PLK4: variants seen among roughly 807,000 people sequenced by gnomAD.
The protein encoded by PLK4 is serine/threonine-protein kinase PLK4.
In PLK4, 51 loss-of-function variants were observed where a neutral mutation model predicts 103.0. The ratio of observed to expected loss-of-function variants is 0.50; its 90% CI spans 0.40 to 0.63. The LOEUF is 0.63. Ranked by LOEUF, PLK4 falls within the 20% of genes least tolerant of loss-of-function variation. The pLI is 0.00. For synonymous variants in PLK4, 389 were observed against 376.8 expected, an observed-to-expected ratio of 1.03 and a Z score of -0.38; for missense variants, 1,054 against 1,151.0, an observed-to-expected ratio of 0.92 and a Z score of 1.22.
chr4:127,886,096 T>C lies in PLK4; in HGVS notation c.726T>C (p.Ile242=). The C allele has an allele frequency of 1.2e-6, 2 of 1,614,232 alleles. No individual in the cohort carries two copies. Among genetic ancestry groups the C allele is most frequent in the Non-Finnish European group, 1.7e-6 (2 of 1,180,020 alleles). The stretch of plus-strand genomic sequence containing the variant: ...TGTCAATAGAGGCCAAGGACCTTAT[T>C]CACCAGTTACTTCGTAGAAATCCAG... The part of the protein sequence containing the change: ...SFLSIEAKDL[I]HQLLRRNPAD... The change falls in exon 5 of 16, where the codon ATT becomes ATC. Residue 242 remains isoleucine (I), a synonymous_variant. Transcript: ENST00000270861.
intron 11 of PLK4, 26 bp downstream of exon 11, chr4:127,893,444 A>T: frequency 6.2e-7 from 1 of 1,600,342 alleles, no homozygotes; most frequent in Non-Finnish European, 8.5e-7. Context: ...TAGGTTTTTC[A>T]TACCAATTAA....
chr4:127,881,205 A>G (rs199796005), intron 1 of PLK4, 41 bp downstream of exon 1: 1 of 1,613,264 alleles, frequency 6.2e-7, no homozygotes, highest in African/African-American at 1.3e-5. Context: ...GGGTGGGAGT[A>G]ATTGTGGGAG....
intron 1 of PLK4, 152 bp from the exon 2 acceptor site, chr4:127,881,679 C>T (rs754385378): frequency 1.5e-5 from 9 of 618,798 alleles, no homozygotes; most frequent in Admixed American, 1.4e-4. Context: ...AACATGCCTT[C>T]CACCCTAGAC....
rs1369298218 is a variant in PLK4, at chr4:127,890,009, C to T, written c.1603C>T (p.His535Tyr). The T allele has an allele frequency of 6.2e-7, 1 of 1,614,038 alleles. No homozygotes were observed. The highest frequency in any genetic ancestry group is 8.5e-7 in the Non-Finnish European group (1 of 1,179,922). ...KKNSDASDNA[H>Y]SVKQQNTMKY... ...GAACTCTGATGCTTCTGATAATGCACATTCTGTAAAACAGCAAAATACCAT... is the reference window on the plus strand; with the variant it reads ...GAACTCTGATGCTTCTGATAATGCATATTCTGTAAAACAGCAAAATACCAT... The change falls in exon 7 of 16, where the codon CAT becomes TAT. Residue 535 changes from histidine to tyrosine, a missense_variant. By Grantham distance (83) the His-to-Tyr change is moderately conservative (BLOSUM62 2). Transcript: ENST00000270861.
intron 5 of PLK4, 61 bp from the exon 6 acceptor site, chr4:127,887,335 C>A: frequency 1.2e-6 from 1 of 865,756 alleles, no homozygotes; most frequent in East Asian, 2.6e-5. Flanking sequence ...ATATTTTTAC[C>A]TTAAAAAGTT....
intron 1 of PLK4, 166 bp downstream of exon 1, chr4:127,881,330 G>A: frequency 8.8e-6 from 13 of 1,473,492 alleles, no homozygotes; most frequent in Non-Finnish European, 1.2e-5. Context: ...GGGGCGGAGC[G>A]GCCCGCCCCT....
At chr4:127,883,146 C>G in intron 2 of PLK4, 116 bp from the exon 3 acceptor site, 1 of 610,054 alleles carries the variant, frequency 1.6e-6, no homozygotes, top group Non-Finnish European at 2.9e-6. Context: ...AGTAGGTTGA[C>G]CACAAAGACG....
Position 127,887,120 on chromosome 4 carries a change from GT to G in PLK4, c.1359-275del, listed in dbSNP as rs571011712. On this transcript the variant is annotated intron_variant, in intron 5 of 15. Coordinates refer to ENST00000270861, the MANE Select transcript of PLK4 (RefSeq NM_014264.5). ...AACTAATTTTCAGTGACTGTATTGT[GT>G]GTTTTTTTTCTTTTTCTGTTCATTT... 1.1e-4 allele frequency among the ~76,000 whole-genome samples: 17 copies of G among 152,056 alleles called. No individual in the cohort carries two copies. In the South Asian group the frequency reaches 3.5e-3, roughly 32 times the overall value.
chr4:127,898,522 C>T lies in PLK4; in HGVS notation c.2894C>T (p.Pro965Leu), dbSNP rs770530003. The change falls in exon 16 of 16, where the codon CCG becomes CTG. Residue 965 changes from proline (P) to leucine (L), a missense_variant. Pro to Leu is a moderately conservative substitution (Grantham distance 98). Around this residue, in one of 4 missense-constraint regions of PLK4, gnomAD observed 8 missense variants for 19.9 expected, o/e 0.40. Transcript: ENST00000270861. The stretch of plus-strand genomic sequence containing the variant: ...TCCATCCTTTTGATGTTTTCTAATC[C>T]GACTCCTAATTTTCATTGATTAAAA... ...LSSILLMFSN[P>L]TPNFH The T allele has an allele frequency of 2.2e-5, 34 of 1,521,120 alleles. No homozygotes were observed. The highest frequency in any genetic ancestry group is 4.5e-5 in the East Asian group (2 of 44,018). 94.2% of individuals were successfully genotyped at this position (1,521,120 alleles called of 1,614,324 possible). A position where few individuals can be genotyped will look rare whatever the true frequency, so the allele number is the denominator to read the frequency against.
rs1280150481 is a variant in PLK4, at chr4:127,899,148, G to A, written c.*607G>A. On this transcript the variant is annotated 3_prime_UTR_variant, in exon 16 of 16. Coordinates refer to ENST00000270861, the MANE Select transcript of PLK4 (RefSeq NM_014264.5). ...GTAAACTCACTTTTTAAATTTTGTT[G>A]CCTGTTGAGGAGCCAATTAAATTTT... The A allele has an allele frequency of 6.6e-6, 1 of 151,840 alleles. No homozygotes were observed. Among genetic ancestry groups the A allele is most frequent in the Non-Finnish European group, 1.5e-5 (1 of 67,948 alleles). 9.4% of individuals were successfully genotyped at this position (151,840 alleles called of 1,614,324 possible). A position where few individuals can be genotyped will look rare whatever the true frequency, so the allele number is the denominator to read the frequency against.
Position 127,881,047 on chromosome 4 carries a change from C to T in PLK4, c.-88C>T. 6.6e-7 allele frequency: 1 copy of T among 1,508,634 alleles called. No individual in the cohort carries two copies. Among genetic ancestry groups the T allele is most frequent in the Non-Finnish European group, 9.2e-7 (1 of 1,088,984 alleles). The allele number at this position is 1,508,634 out of a possible 1,614,324, so 93.5% of individuals were successfully genotyped here. Reference sequence around the variant, plus strand: ...TTTAGAGAGCCGAGCCTGATGGGCGCCAAGGCCGGCTGGCTGCTTGGAGCG... The same window carrying T: ...TTTAGAGAGCCGAGCCTGATGGGCGTCAAGGCCGGCTGGCTGCTTGGAGCG... On this transcript the variant is annotated 5_prime_UTR_variant, in exon 1 of 16. Transcript: ENST00000270861.
In PLK4 at chr4:127,886,467, A is replaced by G. The variant is rs1434347180; in HGVS notation, c.1097A>G (p.Glu366Gly). The change falls in exon 5 of 16, where the codon GAA (glutamate) becomes GGA (glycine). Residue 366 changes from glutamate to glycine, a missense_variant. Coordinates refer to ENST00000270861, the MANE Select transcript of PLK4 (RefSeq NM_014264.5). ...GRGRVIQDAE[E>G]RPHSRYLRRA... is the part of the protein sequence containing the mutation. ...GGAAGAGTAATTCAAGATGCAGAAG[A>G]AAGGCCACATTCTCGATACCTTCGT... is the stretch of plus-strand genomic sequence containing the variant. The G allele has an allele frequency of 6.2e-7, 1 of 1,614,154 alleles. No individual in the cohort carries two copies. The highest frequency in any genetic ancestry group is 1.7e-5 in the Admixed American group (1 of 60,022).
Position 127,883,509 on chromosome 4 carries a change from A to G in PLK4, c.293A>G (p.Asn98Ser). Residue 98 changes from asparagine (N) to serine (S), a missense_variant, in exon 4 of 16, where the codon AAC (asparagine) becomes AGC (serine). Around this residue, in one of 4 missense-constraint regions of PLK4, gnomAD observed 199 missense variants for 270.1 expected, o/e 0.74. Coordinates refer to ENST00000270861, the MANE Select transcript of PLK4 (RefSeq NM_014264.5). ...VLEMCHNGEM[N>S]RYLKNRVKPF... ...GAAATGTGCCATAATGGAGAAATGA[A>G]CAGGTATCTAAAGAATAGAGTGAAA... is the stretch of plus-strand genomic sequence containing the variant. 1 of 1,550,116 alleles carries G rather than the reference A, an allele frequency of 6.5e-7. No individual in the cohort carries two copies. Among genetic ancestry groups the G allele is most frequent in the Non-Finnish European group, 8.9e-7 (1 of 1,122,434 alleles).
chr4:127,884,684 A>T (rs1213446516), intron 4 of PLK4, among the ~76,000 whole-genome samples: 1 of 152,150 alleles, frequency 6.6e-6, no homozygotes. Flanking sequence ...CATGCCTGTC[A>T]TCCTAGCTAC....
At chr4:127,896,624 A>G (rs1177123830) in intron 14 of PLK4, among the ~76,000 whole-genome samples, 177 bp from the exon 15 acceptor site, 1 of 152,142 alleles carries the variant, frequency 6.6e-6, no homozygotes, top group African/African-American at 2.4e-5. Context: ...CTGCCATCGT[A>G]GCCCCAAATT....
Position 127,893,888 on chromosome 4 carries a change from A to G in PLK4, c.2562+7A>G, listed in dbSNP as rs1735462120. 7.4e-7 allele frequency: 1 copy of G among 1,356,044 alleles called. No individual in the cohort carries two copies. 84.0% of individuals were successfully genotyped at this position (1,356,044 alleles called of 1,614,324 possible). A position where few individuals can be genotyped will look rare whatever the true frequency, so the allele number is the denominator to read the frequency against. The stretch of plus-strand genomic sequence containing the variant: ...ACCAATCCTTAATCCCTCTGTAAGT[A>G]AATATATGTCACTTCTGTACTTTAA... On this transcript the variant is annotated splice_region_variant and intron_variant, in intron 13 of 15. Transcript: ENST00000270861.
chr4:127,886,301 A>C lies in PLK4; in HGVS notation c.931A>C (p.Arg311=), dbSNP rs538165651. 1 of 1,613,990 alleles carries C rather than the reference A, an allele frequency of 6.2e-7. No individual in the cohort carries two copies. The highest frequency in any genetic ancestry group is 1.3e-5 in the African/African-American group (1 of 75,060). Reference sequence around the variant, plus strand: ...AAGTGGTAGTTTATTTGACAAAAGAAGACTTTTGATTGGTCAGCCACTCCC... The same window carrying C: ...AAGTGGTAGTTTATTTGACAAAAGACGACTTTTGATTGGTCAGCCACTCCC... ...SISGSLFDKR[R]LLIGQPLPNK... The change falls in exon 5 of 16, where the codon AGA becomes CGA. Residue 311 remains arginine, a synonymous_variant. Transcript: ENST00000270861.
At position 127,891,196 on chromosome 4, in the gene PLK4, G is replaced by A. The variant is rs745315208; in HGVS notation, c.1935G>A (p.Thr645=). 20 of 1,408,956 alleles carry A rather than the reference G, an allele frequency of 1.4e-5. No individual in the cohort carries two copies. The highest frequency in any genetic ancestry group is 8.6e-5 in the African/African-American group (6 of 69,996). The allele number at this position is 1,408,956 out of a possible 1,614,324, so 87.3% of individuals were successfully genotyped here. A position where few individuals can be genotyped will look rare whatever the true frequency, so the allele number is the denominator to read the frequency against. ...TTCAGATATCTAGTGATGGAAATAC[G>A]GTAATGTGTAGTTACTTTATTACCT... ...EVLQISSDGN[T]ITIYYPNGGR... Residue 645 remains threonine, a splice_region_variant and synonymous_variant, in exon 8 of 16, where the codon ACG becomes ACA. Transcript: ENST00000270861.
intron 7 of PLK4, among the ~76,000 whole-genome samples, chr4:127,890,439 C>T (rs1034181581): frequency 6.6e-6 from 1 of 151,956 alleles, no homozygotes; most frequent in Non-Finnish European, 1.5e-5. Context: ...TGACATGATA[C>T]TGGTAAGTTT....
Sources: allele counts gnomAD v4.1 joint callset (sites outside exome capture counted in the v4.1 genomes callset), GRCh38; gene constraint gnomAD v4.1.1; regional missense constraint gnomAD v4.1.1; transcripts MANE v1.5; gene names NCBI Gene and HGNC (gene_info 2026-07-23, HGNC 2026-07-21).